Variants in TTC7B observed in about 807,000 individuals in gnomAD.
TTC7B encodes tetratricopeptide repeat protein 7B.
A neutral mutation model predicts 106.8 loss-of-function variants in TTC7B; 28 were observed. The ratio of observed to expected loss-of-function variants is 0.26; its 90% confidence interval spans 0.19 to 0.36. The LOEUF is 0.36. TTC7B is among the 10% of genes least tolerant of loss of function. TTC7B has a pLI of 1.00. For missense variants in TTC7B, 862 were observed against 1,076.4 expected (o/e 0.80, Z 2.79); for synonymous variants, 405 against 430.6 (o/e 0.94, Z 0.74).
intron 2 of TTC7B, among the ~76,000 whole-genome samples, chr14:90,781,497 G>A (rs1303349626): frequency 6.6e-6 from 1 of 152,160 alleles, no homozygotes; most frequent in Non-Finnish European, 1.5e-5. Context: ...AAACCCTGCG[G>A]CTCCCTTCAT....
At chr14:90,745,861 C>T (rs1889950493) in intron 3 of TTC7B, among the ~76,000 whole-genome samples, 1 of 151,906 alleles carries the variant, frequency 6.6e-6, no homozygotes, top group Non-Finnish European at 1.5e-5. Context: ...CATTCCACCA[C>T]ACCTGGCCAA....
At chr14:90,700,501 G>A (rs1887941549) in intron 5 of TTC7B, among the ~76,000 whole-genome samples, 1 of 151,956 alleles carries the variant, frequency 6.6e-6, no homozygotes, top group Admixed American at 6.5e-5. Context: ...GCCAGTACCA[G>A]TGACGTTTAA....
chr14:90,644,276 C>T, intron 14 of TTC7B, 68 bp from the exon 15 acceptor site: 1 of 1,197,254 alleles, frequency 8.4e-7, no homozygotes, highest in Non-Finnish European at 1.1e-6. Flanking sequence ...CACACACACA[C>T]ACACGCGCGA....
In TTC7B at chr14:90,759,741, G is replaced by T. The variant is rs1221894499; in HGVS notation, c.446-14819C>A. On this transcript the variant is annotated intron_variant, in intron 3 of 19. Transcript: ENST00000328459. This position sits in a 1 kb window ranked among gnomAD's most constrained non-coding sequence, Gnocchi z 4.1. Reference sequence around the variant, plus strand: ...CTATTCTGAAATGGAGTGGATCTCAGAATATACTGAGAAGTTTGCCCTTTT... The same window carrying T: ...CTATTCTGAAATGGAGTGGATCTCATAATATACTGAGAAGTTTGCCCTTTT... Among the ~76,000 whole-genome samples the T allele has an allele frequency of 6.6e-6, 1 of 152,214 alleles. No individual in the cohort carries two copies. The highest frequency in any genetic ancestry group is 2.4e-5 in the African/African-American group (1 of 41,450).
At chr14:90,726,821 A>T (rs1247914520) in intron 5 of TTC7B, among the ~76,000 whole-genome samples, 1 of 152,136 alleles carries the variant, frequency 6.6e-6, no homozygotes, top group Non-Finnish European at 1.5e-5. Context: ...CCTCAACAAG[A>T]TGTTTTTTCA....
chr14:90,667,363 G>C (rs1886452208), intron 9 of TTC7B, among the ~76,000 whole-genome samples: 1 of 152,166 alleles, frequency 6.6e-6, no homozygotes, highest in Non-Finnish European at 1.5e-5. Context: ...GACAGAAGCA[G>C]GGTCGCTGAG....
chr14:90,572,577 A>T (rs2139797484), intron 19 of TTC7B, among the ~76,000 whole-genome samples: 1 of 152,330 alleles, frequency 6.6e-6, no homozygotes, highest in South Asian at 2.1e-4. Flanking sequence ...ATGTTATTCC[A>T]GATTTCTGAT....
intron 5 of TTC7B, among the ~76,000 whole-genome samples, chr14:90,702,064 CT>C (rs1888014551): frequency 6.6e-6 from 1 of 152,142 alleles, no homozygotes; most frequent in Non-Finnish European, 1.5e-5. Flanking sequence ...ATATGTTTAT[CT>C]ATATACCCGA....
rs554532524 is a variant in TTC7B, at chr14:90,608,945, G to A, written c.1966+1797C>T. 2.4e-4 allele frequency among the ~76,000 whole-genome samples: 37 copies of A among 152,300 alleles called. No individual in the cohort carries two copies. The highest frequency in any genetic ancestry group is 7.5e-4 in the African/African-American group (31 of 41,554). On this transcript the variant is annotated intron_variant, in intron 17 of 19. Coordinates refer to ENST00000328459, the MANE Select transcript of TTC7B (RefSeq NM_001010854.2). The surrounding 1 kb of genome is among the most constrained non-coding windows in gnomAD (Gnocchi z 5.1). ...TTAGGAGGGAGAAAAGTGGGGAGAC[G>A]GCGCTGGGTAGCCACAGCAGCTGTT...
intron 8 of TTC7B, among the ~76,000 whole-genome samples, chr14:90,679,966 T>C (rs1172104082): frequency 6.6e-6 from 1 of 152,230 alleles, no homozygotes; most frequent in East Asian, 1.9e-4. Context: ...AGCCAGGAGC[T>C]GGAAGAGACA....
chr14:90,651,391 C>T (rs1322192226), intron 13 of TTC7B, among the ~76,000 whole-genome samples: 1 of 152,102 alleles, frequency 6.6e-6, no homozygotes, highest in Non-Finnish European at 1.5e-5. Context: ...TAAACTTAAG[C>T]AAAAGATGAA....
intron 19 of TTC7B, among the ~76,000 whole-genome samples, chr14:90,572,841 A>T (rs1420097955): frequency 1.3e-5 from 2 of 152,036 alleles, no homozygotes; most frequent in African/African-American, 4.8e-5. Flanking sequence ...TCCCTGCCAA[A>T]TGCTTCCCAT....
intron 4 of TTC7B, among the ~76,000 whole-genome samples, chr14:90,740,666 T>C (rs1248351633): frequency 1.3e-5 from 2 of 151,946 alleles, no homozygotes; most frequent in African/African-American, 4.8e-5. Context: ...CATGCCTGGC[T>C]AATTTTTGTA....
chr14:90,647,209 T>C, intron 13 of TTC7B, 186 bp from the exon 14 acceptor site: 1 of 583,168 alleles, frequency 1.7e-6, no homozygotes, highest in Non-Finnish European at 3.1e-6. Flanking sequence ...CTCTTACCAC[T>C]GTATAAAGGT....
At chr14:90,602,708 A>G (rs897711345) in intron 17 of TTC7B, among the ~76,000 whole-genome samples, 8 of 152,074 alleles carry the variant, frequency 5.3e-5, no homozygotes, top group Non-Finnish European at 1.2e-4. Flanking sequence ...AAAAGAAAAA[A>G]AAAAAAAGCA....
At chr14:90,798,180 C>T (rs12883141) in intron 1 of TTC7B, among the ~76,000 whole-genome samples, 81,976 of 152,026 alleles carry the variant, frequency 0.54, 23,865 homozygotes, top group Admixed American at 0.66. Context: ...GGCCACGTGG[C>T]GCAGAGCTGA....
At chr14:90,626,537 G>C (rs1386632934) in intron 15 of TTC7B, among the ~76,000 whole-genome samples, 5 of 152,216 alleles carry the variant, frequency 3.3e-5, no homozygotes, top group Non-Finnish European at 7.3e-5. Flanking sequence ...GCTTGAGTCT[G>C]CAGAGCACTG....
At position 90,527,347 on chromosome 14, in the gene TTC7B, A is replaced by G. The variant is rs1889170685; in HGVS notation, c.*14021T>C. 1 of 152,126 alleles carries G rather than the reference A, an allele frequency of 6.6e-6. No individual in the cohort carries two copies. The highest frequency in any genetic ancestry group is 1.5e-5 in the Non-Finnish European group (1 of 68,008). The allele number at this position is 152,126 out of a possible 1,614,324, so 9.4% of individuals were successfully genotyped here. A position where few individuals can be genotyped will look rare whatever the true frequency, so the allele number is the denominator to read the frequency against. ...CACACTCCAGTGATGAAGCTCCCCAAGCTTCACTTGACTCTGAGGATCTTC... is the reference window on the plus strand; with the variant it reads ...CACACTCCAGTGATGAAGCTCCCCAGGCTTCACTTGACTCTGAGGATCTTC... On this transcript the variant is annotated 3_prime_UTR_variant, in exon 20 of 20. Coordinates refer to ENST00000328459, the MANE Select transcript of TTC7B (RefSeq NM_001010854.2).
intron 1 of TTC7B, among the ~76,000 whole-genome samples, chr14:90,795,875 C>T (rs557318199): frequency 2.6e-5 from 4 of 152,228 alleles, no homozygotes; most frequent in East Asian, 3.9e-4. Flanking sequence ...TGAGCTCATA[C>T]GAAGTGCCAT....
Sources: gnomAD v4.1 joint callset for allele counts (sites outside exome capture counted in the v4.1 genomes callset) on GRCh38, gnomAD v4.1.1 for gene constraint, Gnocchi (gnomAD v3.1) non-coding constraint, MANE v1.5 for transcripts, NCBI Gene and HGNC (gene_info 2026-07-23, HGNC 2026-07-21) for gene names.